Variants in SNTG2 observed in about 807,000 individuals in gnomAD.
SNTG2 encodes syntrophin gamma 2, also known as gamma-2-syntrophin.
A neutral mutation model predicts 70.9 loss-of-function variants in SNTG2; 74 were observed. The ratio of observed to expected loss-of-function variants is 1.04; its 90% CI spans 0.86 to 1.27. The LOEUF is 1.27. SNTG2 is among the 50% of genes most tolerant of loss of function. The pLI is 0.00. For missense variants in SNTG2, 717 were observed against 690.7 expected, an observed-to-expected ratio of 1.04 and a Z score of -0.43; for synonymous variants, 278 against 273.8, an observed-to-expected ratio of 1.02 and a Z score of -0.15.
At chr2:1,236,076 C>A (rs529243624) in intron 9 of SNTG2, among the ~76,000 whole-genome samples, 9 of 152,256 alleles carry the variant, frequency 5.9e-5, no homozygotes, top group Admixed American at 3.9e-4. Flanking sequence ...TGTTTATTAA[C>A]CACTAGATTA....
chr2:1,185,090 C>T (rs184380988), intron 8 of SNTG2, among the ~76,000 whole-genome samples: 9 of 152,312 alleles, frequency 5.9e-5, no homozygotes, highest in Admixed American at 6.5e-5. Flanking sequence ...GGGCTGCAGG[C>T]CCCATGCAAG....
intron 12 of SNTG2, among the ~76,000 whole-genome samples, chr2:1,249,933 G>A (rs10189953): frequency 0.21 from 31,362 of 152,070 alleles, 4,380 homozygotes; most frequent in African/African-American, 0.39. Context: ...TCATTTCCTG[G>A]GGGTCTGAAA....
At chr2:1,037,924 G>A (rs1373517516) in intron 1 of SNTG2, among the ~76,000 whole-genome samples, 1 of 152,148 alleles carries the variant, frequency 6.6e-6, no homozygotes, top group Non-Finnish European at 1.5e-5. Flanking sequence ...GCTTTGGTGT[G>A]GACCTGAGTT....
intron 4 of SNTG2, among the ~76,000 whole-genome samples, chr2:1,132,628 G>T (rs896954191): frequency 2.6e-5 from 4 of 152,184 alleles, no homozygotes; most frequent in Non-Finnish European, 5.9e-5. Flanking sequence ...GGATTGAGGG[G>T]GTGACTCTGA....
chr2:1,004,183 A>C (rs928874213), intron 1 of SNTG2, among the ~76,000 whole-genome samples: 1 of 152,216 alleles, frequency 6.6e-6, no homozygotes, highest in African/African-American at 2.4e-5. Flanking sequence ...TCCTGTGACA[A>C]AAACTAAATC....
At chr2:1,206,012 C>T (rs555041525) in intron 8 of SNTG2, among the ~76,000 whole-genome samples, 1 of 152,278 alleles carries the variant, frequency 6.6e-6, no homozygotes, top group East Asian at 1.9e-4. Context: ...TGGATAGATG[C>T]AGATGCTTTT....
chr2:1,106,744 A>G (rs372473544), intron 4 of SNTG2, among the ~76,000 whole-genome samples: 4,333 of 32,732 alleles, frequency 0.13, no homozygotes, highest in Admixed American at 0.17. Flanking sequence ...CTTGATAATA[A>G]TGGACACGTG....
At chr2:1,055,010 C>G (rs1366494549) in intron 1 of SNTG2, among the ~76,000 whole-genome samples, 1 of 151,524 alleles carries the variant, frequency 6.6e-6, no homozygotes, top group Non-Finnish European at 1.5e-5. Flanking sequence ...ACAATTGCCT[C>G]TCACCTCCTC....
chr2:1,109,698 C>T (rs1474962710), intron 4 of SNTG2, among the ~76,000 whole-genome samples: 4 of 152,140 alleles, frequency 2.6e-5, no homozygotes, highest in African/African-American at 9.7e-5. Flanking sequence ...TTCACAGCCA[C>T]AGTTTAATTC....
intron 4 of SNTG2, among the ~76,000 whole-genome samples, chr2:1,111,382 G>T (rs1294722891): frequency 3.9e-5 from 6 of 152,174 alleles, no homozygotes; most frequent in African/African-American, 1.2e-4. Context: ...GGGAGTCAGC[G>T]TACGGCCGGG....
chr2:979,982 A>T (rs1281415252), intron 1 of SNTG2, among the ~76,000 whole-genome samples: 1 of 152,206 alleles, frequency 6.6e-6, no homozygotes, highest in African/African-American at 2.4e-5. Context: ...AAACACAAAA[A>T]GTAAGTAAAT....
In SNTG2 at chr2:1,136,315, GAGAC is replaced by G. The variant is rs144932023; in HGVS notation, c.326-1303_326-1300del. Among the ~76,000 whole-genome samples the G allele has an allele frequency of 7.1e-4, 108 of 151,926 alleles. No homozygotes were observed. The East Asian group carries it at 0.021, about 29-fold the overall frequency. On this transcript the variant is annotated intron_variant, in intron 4 of 16. Coordinates refer to ENST00000308624, the MANE Select transcript of SNTG2 (RefSeq NM_018968.4). ...AAGAACTGAGAGACAGAGATAGAAA[GAGAC>G]AGAGAGACACAGAGACAGTGAGAGA...
chr2:987,176 G>A (rs1336665997), intron 1 of SNTG2, among the ~76,000 whole-genome samples: 6 of 152,196 alleles, frequency 3.9e-5, no homozygotes, highest in Admixed American at 3.3e-4. Context: ...TCCCGGAAAC[G>A]CTGTAGGAAC....
intron 1 of SNTG2, among the ~76,000 whole-genome samples, chr2:1,071,706 T>TA (rs1326288777): frequency 5.3e-5 from 8 of 150,646 alleles, no homozygotes; most frequent in African/African-American, 2.0e-4. Flanking sequence ...GTTGAATGCT[T>TA]AGATAGGCAG....
intron 1 of SNTG2, among the ~76,000 whole-genome samples, chr2:1,082,651 C>A (rs1015454122): frequency 3.9e-5 from 6 of 152,190 alleles, no homozygotes; most frequent in African/African-American, 1.4e-4. Flanking sequence ...TGGCTGCCAC[C>A]CCTGCTCCTG....
intron 1 of SNTG2, among the ~76,000 whole-genome samples, chr2:1,053,616 G>A (rs1035673676): frequency 3.9e-5 from 6 of 151,948 alleles, no homozygotes; most frequent in African/African-American, 1.2e-4. Flanking sequence ...TACATGCTAG[G>A]TATCCAGGTC....
At chr2:1,155,174 C>CACACACACACACACACACA (rs376428558) in intron 6 of SNTG2, among the ~76,000 whole-genome samples, 3 of 146,728 alleles carry the variant, frequency 2.0e-5, no homozygotes, top group African/African-American at 7.5e-5. Flanking sequence ...CGTAGACCCC[C>CACACACACACACACACACA]CCCCCACACA....
At chr2:1,307,636 C>T (rs1176491660) in intron 14 of SNTG2, among the ~76,000 whole-genome samples, 1 of 152,164 alleles carries the variant, frequency 6.6e-6, no homozygotes, top group East Asian at 1.9e-4. Context: ...TAAATGGGAA[C>T]ATTTTACCCG....
intron 8 of SNTG2, among the ~76,000 whole-genome samples, chr2:1,198,309 A>G (rs1673055843): frequency 6.6e-6 from 1 of 152,144 alleles, no homozygotes; most frequent in East Asian, 1.9e-4. Context: ...AAACAAATGA[A>G]AACTGAAACA....
Sources: gnomAD v4.1 joint callset for allele counts (sites outside exome capture counted in the v4.1 genomes callset) on GRCh38, gnomAD v4.1.1 for gene constraint, MANE v1.5 for transcripts, NCBI Gene and HGNC (gene_info 2026-07-23, HGNC 2026-07-21) for gene names.